Variants in MAP2K3 observed in about 807,000 individuals in gnomAD.
MAP2K3 encodes the protein dual specificity mitogen-activated protein kinase kinase 3.
MAP2K3 carries 30 observed loss-of-function variants against 46.4 expected under a neutral mutation model. The ratio of observed to expected loss-of-function variants is 0.65; its 90% CI spans 0.48 to 0.88. The LOEUF is 0.88. Ranked by LOEUF, MAP2K3 falls within the 40% of genes least tolerant of loss-of-function variation. The probability of loss-of-function intolerance (pLI) is 0.00; values close to 1 mark genes in which losing one functional copy is unlikely to be tolerated. For missense variants in MAP2K3, 380 were observed against 464.5 expected (o/e 0.82, Z 1.67); for synonymous variants, 189 against 176.3 (o/e 1.07, Z -0.57).
At chr17:21,313,356 A>G (rs1212296806) in intron 10 of MAP2K3, 136 bp from the exon 11 acceptor site, 1 of 671,242 alleles carries the variant, frequency 1.5e-6, no homozygotes, top group Non-Finnish European at 2.7e-6. Context: ...AGCCCTAGAC[A>G]GTCCTGTCCC....
At chr17:21,295,693 C>A (rs1325338327) in intron 1 of MAP2K3, 2 of 1,289,392 alleles carry the variant, frequency 1.6e-6, no homozygotes, top group Non-Finnish European at 2.0e-6. Context: ...ATGCAGAGGC[C>A]AGTCCATATA....
chr17:21,314,384 A>G lies in MAP2K3; in HGVS notation c.*154A>G, dbSNP rs1298741614. On this transcript the variant is annotated 3_prime_UTR_variant, in exon 12 of 12. Transcript: ENST00000342679. ...CTCCCACCTGGCTCTGTGGCGAGCC[A>G]TTTGTCCCAAGTGCCAAAGAAGCAG... 8 of 693,418 alleles carry G rather than the reference A, an allele frequency of 1.2e-5. No individual in the cohort carries two copies. The highest frequency in any genetic ancestry group is 2.0e-5 in the Non-Finnish European group (8 of 404,142). 43.0% of individuals were successfully genotyped at this position (693,418 alleles called of 1,614,324 possible).
intron 1 of MAP2K3, among the ~76,000 whole-genome samples, chr17:21,287,205 C>T (rs1975746609): frequency 6.6e-6 from 1 of 152,248 alleles, no homozygotes; most frequent in South Asian, 2.1e-4. Flanking sequence ...TGGGCCTGTC[C>T]TCATGGCCAC....
intron 1 of MAP2K3, chr17:21,296,145 G>A (rs1253011519): frequency 4.7e-6 from 6 of 1,289,508 alleles, no homozygotes; most frequent in Non-Finnish European, 5.1e-6. Flanking sequence ...CATCTGCGCA[G>A]TGAACCCTGT....
At position 21,291,323 on chromosome 17, in the gene MAP2K3, CAAT is replaced by C. The variant is rs1471479555; in HGVS notation, c.49+6356_49+6358del. On this transcript the variant is annotated intron_variant, in intron 1 of 11. Transcript: ENST00000342679. The stretch of plus-strand genomic sequence containing the variant: ...CAATAGAATACAATACAATAGAATA[CAAT>C]AGAATACAGTACAATACAATACAAC... 16 of 71,376 alleles carry C rather than the reference CAAT, an allele frequency of 2.2e-4. No individual in the cohort carries two copies. In the African/African-American group the frequency reaches 3.1e-3, roughly 14 times the overall value. 4.4% of individuals were successfully genotyped at this position (71,376 alleles called of 1,614,324 possible). A position where few individuals can be genotyped will look rare whatever the true frequency, so the allele number is the denominator to read the frequency against.
intron 1 of MAP2K3, chr17:21,288,047 T>C: frequency 7.8e-7 from 1 of 1,289,154 alleles, no homozygotes; most frequent in Non-Finnish European, 1.0e-6. Flanking sequence ...AAGTTCTCAG[T>C]TGGCCCGTGT....
At chr17:21,310,410 C>CCCTTGTTCCTGCTGTTTT (rs1977108645) in intron 9 of MAP2K3, among the ~76,000 whole-genome samples, 1 of 152,252 alleles carries the variant, frequency 6.6e-6, no homozygotes, top group Non-Finnish European at 1.5e-5. Context: ...TGGGTTGTTT[C>CCCTTGTTCCTGCTGTTTT]CCTTGTTCCT....
intron 5 of MAP2K3, among the ~76,000 whole-genome samples, chr17:21,301,669 G>A (rs1484717850): frequency 1.1e-4 from 17 of 151,394 alleles, no homozygotes; most frequent in Admixed American, 2.0e-4. Flanking sequence ...TGCAGCCTGC[G>A]GGTGCCCCCT....
chr17:21,296,831 G>A (rs995672058), intron 1 of MAP2K3, among the ~76,000 whole-genome samples: 3 of 152,426 alleles, frequency 2.0e-5, no homozygotes, highest in East Asian at 3.8e-4. Flanking sequence ...CTGCGCACAG[G>A]AGTAGTGACT....
At chr17:21,297,663 G>T (rs558268356) in intron 1 of MAP2K3, among the ~76,000 whole-genome samples, 1 of 152,428 alleles carries the variant, frequency 6.6e-6, no homozygotes, top group African/African-American at 2.4e-5. Flanking sequence ...CCCTCCGTTA[G>T]TACCAGCTGA....
chr17:21,298,568 G>A, intron 2 of MAP2K3, 89 bp downstream of exon 2: 2 of 1,603,250 alleles, frequency 1.2e-6, no homozygotes, highest in Non-Finnish European at 1.7e-6. Context: ...GGTGGGGCCA[G>A]CCCTGCTTTA....
In MAP2K3 at chr17:21,302,245, G is replaced by A; in HGVS notation, c.502G>A (p.Glu168Lys). 1.2e-6 allele frequency: 2 copies of A among 1,614,238 alleles called. No homozygotes were observed. Among genetic ancestry groups the A allele is most frequent in the Non-Finnish European group, 1.7e-6 (2 of 1,180,014 alleles). Reference sequence around the variant, plus strand: ...GACAATTCCAGAGGACATCCTTGGGGAGATTGCTGTGTCTGTGAGTGGCCT... The same window carrying A: ...GACAATTCCAGAGGACATCCTTGGGAAGATTGCTGTGTCTGTGAGTGGCCT... Reference protein sequence around the residue: ...NMTIPEDILGEIAVSIVRALE... With the variant: ...NMTIPEDILGKIAVSIVRALE... The change falls in exon 6 of 12, where the codon GAG (glutamate) becomes AAG (lysine). Residue 168 changes from glutamate to lysine, a missense_variant. This residue lies in a region of MAP2K3 where 294 missense variants were observed against 275.4 expected (regional missense o/e 1.07). Coordinates refer to ENST00000342679, the MANE Select transcript of MAP2K3 (RefSeq NM_145109.3).
In MAP2K3 at chr17:21,298,478, A is replaced by C. The variant is rs1363198122; in HGVS notation, c.115A>C (p.Thr39Pro). 6.2e-7 allele frequency: 1 copy of C among 1,614,318 alleles called. No individual in the cohort carries two copies. Among genetic ancestry groups the C allele is most frequent in the Non-Finnish European group, 8.5e-7 (1 of 1,180,058 alleles). ...GTCCAAGCCACCCGCACCCAACCCCACGTGAGTCTGCCTCAGTTTCTCCCT... is the reference window on the plus strand; with the variant it reads ...GTCCAAGCCACCCGCACCCAACCCCCCGTGAGTCTGCCTCAGTTTCTCCCT... ...CMSKPPAPNP[T>P]PPRNLDSRTF... Residue 39 changes from threonine to proline, a missense_variant and splice_region_variant, in exon 2 of 12, where the codon ACA becomes CCA. Physicochemically the swap from Thr to Pro is conservative, Grantham distance 38. This residue lies in a region of MAP2K3 where 294 missense variants were observed against 275.4 expected (regional missense o/e 1.07). Coordinates refer to ENST00000342679, the MANE Select transcript of MAP2K3 (RefSeq NM_145109.3).
chr17:21,311,047 G>A (rs1977135542), intron 9 of MAP2K3, among the ~76,000 whole-genome samples: 1 of 152,136 alleles, frequency 6.6e-6, no homozygotes, highest in Non-Finnish European at 1.5e-5. Flanking sequence ...CTGTGAACAC[G>A]CATGCACACA....
At chr17:21,300,516 G>A (rs777238559) in intron 3 of MAP2K3, 29 bp from the exon 4 acceptor site, 1 of 1,584,344 alleles carries the variant, frequency 6.3e-7, no homozygotes, top group Admixed American at 1.8e-5. Context: ...CAGCTTGCTG[G>A]CCACTGACTC....
chr17:21,298,792 C>T (rs1006590310), intron 2 of MAP2K3, 86 bp from the exon 3 acceptor site: 2 of 1,600,570 alleles, frequency 1.2e-6, no homozygotes, highest in Admixed American at 1.7e-5. Flanking sequence ...CGTCCCCACG[C>T]CAGGCCCCAC....
chr17:21,303,936 G>C (rs948819510), intron 7 of MAP2K3, among the ~76,000 whole-genome samples: 4 of 152,304 alleles, frequency 2.6e-5, no homozygotes, highest in Non-Finnish European at 5.9e-5. Flanking sequence ...TGGAGGGCAC[G>C]GGGATGTGAG....
At chr17:21,298,548 G>A (rs1007644017) in intron 2 of MAP2K3, 69 bp downstream of exon 2, 1 of 1,613,108 alleles carries the variant, frequency 6.2e-7, no homozygotes, top group Non-Finnish European at 8.5e-7. Context: ...AATGGAAGGA[G>A]TGAGAGGCAG....
intron 5 of MAP2K3, among the ~76,000 whole-genome samples, chr17:21,301,428 G>A (rs1976593893): frequency 6.6e-6 from 1 of 152,308 alleles, no homozygotes; most frequent in African/African-American, 2.4e-5. Flanking sequence ...GACTGAGGCT[G>A]GAAGAGTGGA....
Sources: gnomAD v4.1 joint callset for allele counts (sites outside exome capture counted in the v4.1 genomes callset) on GRCh38, gnomAD v4.1.1 for gene constraint, gnomAD v4.1.1 regional missense constraint, MANE v1.5 for transcripts, NCBI Gene and HGNC (gene_info 2026-07-23, HGNC 2026-07-21) for gene names.